Variants in PDE1C observed in about 807,000 individuals in gnomAD.
The protein encoded by PDE1C is phosphodiesterase 1C.
In PDE1C, 62 loss-of-function variants were observed where a neutral mutation model predicts 93.1. The ratio of observed to expected loss-of-function variants is 0.67; its 90% CI spans 0.54 to 0.82. The LOEUF (loss-of-function observed/expected upper bound fraction) is 0.82, where lower values mean the gene tolerates loss of function less well. PDE1C is among the 40% of genes least tolerant of loss of function. The pLI is 0.00. For missense variants in PDE1C, 742 were observed against 884.6 expected, an observed-to-expected ratio of 0.84 and a Z score of 2.04; for synonymous variants, 325 against 310.1, an observed-to-expected ratio of 1.05 and a Z score of -0.50.
At chr7:32,043,645 G>C (rs971293657) in intron 2 of PDE1C, among the ~76,000 whole-genome samples, 1 of 152,174 alleles carries the variant, frequency 6.6e-6, no homozygotes, top group South Asian at 2.1e-4. Context: ...TTAATGGCTT[G>C]AGTAGAGGAA....
At chr7:32,273,657 G>T (rs181967563) in intron 1 of PDE1C, among the ~76,000 whole-genome samples, 1 of 152,164 alleles carries the variant, frequency 6.6e-6, no homozygotes, top group African/African-American at 2.4e-5. Context: ...AGAACCAGAG[G>T]GTAAAGTTTG....
intron 2 of PDE1C, among the ~76,000 whole-genome samples, chr7:32,192,774 A>T (rs538129073): frequency 2.3e-4 from 35 of 152,296 alleles, no homozygotes; most frequent in African/African-American, 7.5e-4. Flanking sequence ...TATAGGGAGA[A>T]CTGACATATT....
chr7:31,919,655 A>G (rs1229490681), intron 2 of PDE1C, among the ~76,000 whole-genome samples: 1 of 152,192 alleles, frequency 6.6e-6, no homozygotes, highest in South Asian at 2.1e-4. Context: ...AAAAAGCAAG[A>G]TCTTCACTTT....
intron 2 of PDE1C, among the ~76,000 whole-genome samples, chr7:31,982,305 C>T (rs1053047028): frequency 2.0e-5 from 3 of 152,064 alleles, no homozygotes; most frequent in Admixed American, 6.5e-5. Flanking sequence ...GGTGTGAACT[C>T]GAAAGAATGA....
At chr7:32,294,920 A>G (rs148048336) in intron 1 of PDE1C, among the ~76,000 whole-genome samples, 1 of 152,216 alleles carries the variant, frequency 6.6e-6, no homozygotes. Flanking sequence ...CTCTCAAAGC[A>G]TCAAGGCGCT....
chr7:32,362,471 C>G (rs1042900681), intron 1 of PDE1C, among the ~76,000 whole-genome samples: 1 of 152,170 alleles, frequency 6.6e-6, no homozygotes, highest in East Asian at 1.9e-4. Context: ...CAAAATATCC[C>G]CACTATTTTT....
chr7:31,989,467 A>G (rs184868981), intron 2 of PDE1C, among the ~76,000 whole-genome samples: 142 of 152,354 alleles, frequency 9.3e-4, no homozygotes, highest in Middle Eastern at 6.8e-3. Context: ...GATATATTAT[A>G]TATCTACATA....
intron 3 of PDE1C, among the ~76,000 whole-genome samples, chr7:32,129,048 A>G (rs1799766792): frequency 6.7e-6 from 1 of 150,186 alleles, no homozygotes; most frequent in African/African-American, 2.4e-5. Context: ...TGCAGTCATT[A>G]TAAGTGATAT....
At chr7:32,153,728 A>G (rs1043373017) in intron 3 of PDE1C, among the ~76,000 whole-genome samples, 5 of 152,236 alleles carry the variant, frequency 3.3e-5, no homozygotes, top group Non-Finnish European at 7.3e-5. Context: ...TTCAAGTGGG[A>G]GAAGATAAAA....
At chr7:32,054,496 C>T (rs2128694698) in intron 1 of PDE1C, among the ~76,000 whole-genome samples, 1 of 152,236 alleles carries the variant, frequency 6.6e-6, no homozygotes, top group Admixed American at 6.5e-5. Context: ...TTCTTGAGGT[C>T]AGAGGTCTGT....
intron 3 of PDE1C, among the ~76,000 whole-genome samples, chr7:32,120,524 G>T (rs1010211298): frequency 6.6e-6 from 1 of 152,178 alleles, no homozygotes; most frequent in African/African-American, 2.4e-5. Flanking sequence ...AGAAGAAGGA[G>T]CAGGCACCAG....
chr7:31,651,052 A>G, the PDE1C span: 5 of 1,450,972 alleles, frequency 3.4e-6, no homozygotes, highest in Non-Finnish European at 4.6e-6. Flanking sequence ...GAAAAAAGGG[A>G]TCCCAAATGG....
chr7:32,306,019 A>G (rs918694414), intron 1 of PDE1C, among the ~76,000 whole-genome samples: 2 of 151,982 alleles, frequency 1.3e-5, no homozygotes, highest in African/African-American at 4.8e-5. Flanking sequence ...TTTCCCCCAC[A>G]CTGTTCTCAT....
the PDE1C span, among the ~76,000 whole-genome samples, chr7:31,700,191 T>A: frequency 6.6e-6 from 1 of 152,288 alleles, no homozygotes; most frequent in African/African-American, 2.4e-5. Flanking sequence ...AGAACCAGGT[T>A]GTGAATGCAA....
At chr7:32,423,526 C>G (rs1785473750) in intron 1 of PDE1C, among the ~76,000 whole-genome samples, 1 of 152,218 alleles carries the variant, frequency 6.6e-6, no homozygotes, top group Admixed American at 6.5e-5. Flanking sequence ...ATAGAATCAC[C>G]TGGGAAATTT....
intron 3 of PDE1C, among the ~76,000 whole-genome samples, chr7:32,112,809 T>TGC (rs1798724380): frequency 1.7e-5 from 1 of 59,550 alleles, no homozygotes; most frequent in African/African-American, 8.8e-5. Flanking sequence ...CATATATGTG[T>TGC]GTGTGTGTGT....
At chr7:31,744,536 A>C in the PDE1C span, among the ~76,000 whole-genome samples, 1 of 152,274 alleles carries the variant, frequency 6.6e-6, no homozygotes, top group East Asian at 1.9e-4. Context: ...GCTTGAGTAC[A>C]TCAAATTAAA....
At chr7:32,138,660 TA>T (rs1800341806) in intron 3 of PDE1C, among the ~76,000 whole-genome samples, 1 of 152,158 alleles carries the variant, frequency 6.6e-6, no homozygotes, top group African/African-American at 2.4e-5. Context: ...TAATGAGTAA[TA>T]AAAATTATTA....
chr7:31,618,550 G>T, the PDE1C span, among the ~76,000 whole-genome samples: 8 of 152,200 alleles, frequency 5.3e-5, no homozygotes, highest in African/African-American at 1.7e-4. Context: ...AGAAAAGGTA[G>T]AGATGATGTT....
Sources: gnomAD v4.1 joint callset for allele counts (sites outside exome capture counted in the v4.1 genomes callset) on GRCh38, gnomAD v4.1.1 for gene constraint, MANE v1.5 for transcripts, NCBI Gene and HGNC (gene_info 2026-07-23, HGNC 2026-07-21) for gene names.